PCDHA1: variants seen among roughly 807,000 people sequenced by gnomAD.
PCDHA1 encodes the protein protocadherin alpha-1.
In PCDHA1, 42 loss-of-function variants were observed where a neutral mutation model predicts 61.3. The ratio of observed to expected loss-of-function variants is 0.69; its 90% CI spans 0.54 to 0.89. The LOEUF is 0.89. PCDHA1 is among the 40% of genes least tolerant of loss of function. PCDHA1 has a pLI of 0.00. For synonymous variants in PCDHA1, 610 were observed against 553.8 expected (o/e 1.10, Z -1.43); for missense variants, 1,256 against 1,235.3 (o/e 1.02, Z -0.25).
intron 1 of PCDHA1, chr5:140,851,015 G>A: frequency 2.1e-6 from 3 of 1,432,294 alleles, no homozygotes; most frequent in Non-Finnish European, 1.8e-6. Context: ...TTTTTTTTCT[G>A]ATAAAGTAAA....
intron 1 of PCDHA1, among the ~76,000 whole-genome samples, chr5:140,839,342 G>A (rs1463316254): frequency 2.0e-5 from 3 of 150,644 alleles, no homozygotes; most frequent in East Asian, 3.9e-4. Flanking sequence ...GTTGATAGGG[G>A]ATCCTCCTTA....
At chr5:140,992,862 G>A (rs2097531583) in intron 3 of PCDHA1, among the ~76,000 whole-genome samples, 2 of 152,084 alleles carry the variant, frequency 1.3e-5, no homozygotes, top group Non-Finnish European at 2.9e-5. Context: ...TTTCACTCTA[G>A]CTCCCTCCTT....
chr5:140,982,559 A>G lies in PCDHA1; in HGVS notation c.2538A>G (p.Thr846=). 1 of 1,614,170 alleles carries G rather than the reference A, an allele frequency of 6.2e-7. No homozygotes were observed. The highest frequency in any genetic ancestry group is 8.5e-7 in the Non-Finnish European group (1 of 1,180,012). Residue 846 remains threonine, a synonymous_variant, in exon 3 of 4, where the codon ACA becomes ACG. Coordinates refer to ENST00000504120, the MANE Select transcript of PCDHA1 (RefSeq NM_018900.4). The part of the protein sequence containing the change: ...DQQWPTVSSA[T]PEPEAGEVSP... ...AGTGGCCAACAGTATCCAGTGCAAC[A>G]CCAGGTAAAGAGCTGGGGTCTCTCC... is the stretch of plus-strand genomic sequence containing the variant.
intron 1 of PCDHA1, chr5:140,968,040 G>A: frequency 1.2e-6 from 2 of 1,614,162 alleles, no homozygotes; most frequent in African/African-American, 1.3e-5. Context: ...GTGGTGAGCG[G>A]CCCACTGGAC....
intron 3 of PCDHA1, among the ~76,000 whole-genome samples, chr5:141,002,322 G>A (rs1477526091): frequency 6.6e-6 from 1 of 152,190 alleles, no homozygotes; most frequent in South Asian, 2.1e-4. Context: ...CCTGGAGGCC[G>A]GGCTGCATCC....
intron 1 of PCDHA1, chr5:140,836,529 C>T (rs2150262984): frequency 6.2e-7 from 1 of 1,613,824 alleles, no homozygotes; most frequent in Admixed American, 1.7e-5. Flanking sequence ...GCTTACCCTG[C>T]TGCTGTACAC....
intron 1 of PCDHA1, among the ~76,000 whole-genome samples, chr5:140,900,519 T>G (rs1264399196): frequency 6.6e-6 from 1 of 152,224 alleles, no homozygotes; most frequent in East Asian, 1.9e-4. Flanking sequence ...TCAGGTGATC[T>G]GCCCACCTCG....
intron 1 of PCDHA1, chr5:140,802,032 T>C (rs1554121833): frequency 6.2e-7 from 1 of 1,614,204 alleles, no homozygotes; most frequent in Admixed American, 1.7e-5. Context: ...GGATATCGCG[T>C]ATTCTTTCAA....
intron 1 of PCDHA1, among the ~76,000 whole-genome samples, chr5:140,922,817 G>A (rs1554200973): frequency 1.3e-5 from 2 of 152,218 alleles, no homozygotes; most frequent in Non-Finnish European, 2.9e-5. Context: ...AGGAGATACA[G>A]CATACTGCTA....
At chr5:140,962,170 C>T (rs1326323755) in intron 1 of PCDHA1, among the ~76,000 whole-genome samples, 6 of 152,194 alleles carry the variant, frequency 3.9e-5, no homozygotes, top group South Asian at 4.1e-4. Context: ...CCACCACACC[C>T]GGCCACTTAT....
At chr5:140,867,366 T>C (rs1478062885) in intron 1 of PCDHA1, 2 of 152,156 alleles carry the variant, frequency 1.3e-5, no homozygotes, top group African/African-American at 4.8e-5. Flanking sequence ...ATTTTACAGA[T>C]GCGTAATGGA....
chr5:140,989,788 G>GC (rs1331311072), intron 3 of PCDHA1, among the ~76,000 whole-genome samples: 30 of 152,276 alleles, frequency 2.0e-4, no homozygotes, highest in African/African-American at 4.6e-4. Context: ...GAGACTAGAG[G>GC]CCCCCAGGAA....
intron 1 of PCDHA1, chr5:140,883,658 G>T (rs573544891): frequency 6.2e-7 from 1 of 1,613,994 alleles, no homozygotes; most frequent in Non-Finnish European, 8.5e-7. Context: ...CACGGTGTTC[G>T]TGAAGGAAAA....
intron 1 of PCDHA1, chr5:140,869,206 G>T (rs192388233): frequency 7.4e-6 from 12 of 1,613,854 alleles, no homozygotes; most frequent in African/African-American, 1.3e-5. Flanking sequence ...CCACTACTCC[G>T]TCTCGGAGGA....
chr5:140,807,778 G>C, intron 1 of PCDHA1: 1 of 1,614,134 alleles, frequency 6.2e-7, no homozygotes, highest in Non-Finnish European at 8.5e-7. Context: ...TTATATTACG[G>C]AAATCTTTAG....
rs782257919 is a variant in PCDHA1, at chr5:140,853,730, T to C, written c.2394+65046T>C. 84 of 988,668 alleles carry C rather than the reference T, an allele frequency of 8.5e-5. 8 individuals carry two copies. Among genetic ancestry groups the C allele is most frequent in the African/African-American group, 5.6e-4 (32 of 56,686 alleles). The allele number at this position is 988,668 out of a possible 1,614,324, so 61.2% of individuals were successfully genotyped here. A position where few individuals can be genotyped will look rare whatever the true frequency, so the allele number is the denominator to read the frequency against. ...AGCATTAGCAGCACCTAAGTCCTCA[T>C]TGAATGTTCTGGTTCAAGGCTCCAC... On this transcript the variant is annotated intron_variant, in intron 1 of 3. Coordinates refer to ENST00000504120, the MANE Select transcript of PCDHA1 (RefSeq NM_018900.4).
At chr5:140,928,690 A>G in intron 1 of PCDHA1, 3 of 1,614,180 alleles carry the variant, frequency 1.9e-6, no homozygotes, top group Non-Finnish European at 2.5e-6. Flanking sequence ...TTCCTACCAC[A>G]TCTCCCGGGC....
intron 1 of PCDHA1, among the ~76,000 whole-genome samples, chr5:140,895,413 C>G (rs141941836): frequency 6.6e-6 from 1 of 152,122 alleles, no homozygotes; most frequent in Non-Finnish European, 1.5e-5. Flanking sequence ...GCCCCATAAC[C>G]TTCTTTTGCT....
chr5:140,842,639 A>C, intron 1 of PCDHA1: 1 of 1,595,430 alleles, frequency 6.3e-7, no homozygotes, highest in Non-Finnish European at 8.6e-7. Flanking sequence ...GGCCACCGCC[A>C]GCTTGTCTGT....
Sources: allele counts gnomAD v4.1 joint callset (sites outside exome capture counted in the v4.1 genomes callset), GRCh38; gene constraint gnomAD v4.1.1; transcripts MANE v1.5; gene names NCBI Gene and HGNC (gene_info 2026-07-23, HGNC 2026-07-21).